ADAMTS16: variants seen among roughly 807,000 people sequenced by gnomAD.
ADAMTS16 encodes the protein A disintegrin and metalloproteinase with thrombospondin motifs 16.
Under a neutral mutation model 145.8 loss-of-function variants are expected in ADAMTS16, and 94 were observed. That is an observed-to-expected ratio of 0.64 (90% CI 0.55 to 0.77). The LOEUF (loss-of-function observed/expected upper bound fraction) is 0.77. Ranked by LOEUF, ADAMTS16 falls within the 30% of genes least tolerant of loss-of-function variation. The pLI is 0.00. For synonymous variants in ADAMTS16, 659 were observed against 604.3 expected (o/e 1.09, Z -1.33); for missense variants, 1,585 against 1,591.5 (o/e 1.00, Z 0.07).
At chr5:5,160,995 A>G (rs1163910333) in intron 3 of ADAMTS16, among the ~76,000 whole-genome samples, 3 of 152,216 alleles carry the variant, frequency 2.0e-5, no homozygotes, top group African/African-American at 7.2e-5. Context: ...ATTTAAATGT[A>G]AAAATATCTT....
chr5:5,215,845 A>ATATATATATATGTGGTGTGTATGTG (rs1427263188), intron 10 of ADAMTS16, among the ~76,000 whole-genome samples: 3 of 135,342 alleles, frequency 2.2e-5, no homozygotes, highest in Middle Eastern at 3.8e-3. Context: ...TGGTGTGTAT[A>ATATATATATATGTGGTGTGTATGTG]TATATATATA....
chr5:5,215,870 G>GTGTATATATATATA (rs1260354840), intron 10 of ADAMTS16, among the ~76,000 whole-genome samples: 7 of 101,620 alleles, frequency 6.9e-5, no homozygotes, highest in African/African-American at 1.0e-4. Context: ...GTGTGTATGT[G>GTGTATATATATATA]TATATATATA....
chr5:5,306,401 C>T (rs1265418766), intron 20 of ADAMTS16, 103 bp from the exon 21 acceptor site: 1 of 978,728 alleles, frequency 1.0e-6, no homozygotes, highest in Admixed American at 2.2e-5. Flanking sequence ...TGAATGTTCA[C>T]ACTTATATAA....
At chr5:5,182,870 T>C (rs547354058) in intron 4 of ADAMTS16, among the ~76,000 whole-genome samples, 1 of 152,288 alleles carries the variant, frequency 6.6e-6, no homozygotes, top group African/African-American at 2.4e-5. Context: ...TGAAGTTGGG[T>C]GCTTTCTGGA....
chr5:5,166,106 C>A (rs980472285), intron 3 of ADAMTS16, among the ~76,000 whole-genome samples: 1 of 152,148 alleles, frequency 6.6e-6, no homozygotes, highest in Admixed American at 6.5e-5. Flanking sequence ...TCTAAAATAT[C>A]TCTTTTTTTG....
intron 17 of ADAMTS16, among the ~76,000 whole-genome samples, chr5:5,244,208 G>A (rs72724169): frequency 0.019 from 2,878 of 152,232 alleles, 41 homozygotes; most frequent in Non-Finnish European, 0.03. Context: ...ACTTGCAAAT[G>A]GTATCCTGCA....
At chr5:5,223,289 G>A (rs1028940352) in intron 11 of ADAMTS16, 1 of 168,388 alleles carries the variant, frequency 5.9e-6, no homozygotes, top group Admixed American at 5.9e-5. Context: ...TGTGAGAAGA[G>A]AGAGAGCTAT....
chr5:5,313,412 G>A (rs575812941), intron 21 of ADAMTS16, among the ~76,000 whole-genome samples: 20 of 152,322 alleles, frequency 1.3e-4, no homozygotes, highest in African/African-American at 4.3e-4. Flanking sequence ...ACATTTCATG[G>A]TGCAGGGCAG....
intron 8 of ADAMTS16, among the ~76,000 whole-genome samples, chr5:5,193,170 C>CGT (rs1735712022): frequency 6.9e-6 from 1 of 144,714 alleles, no homozygotes; most frequent in African/African-American, 2.8e-5. Context: ...TGTGCGCGCG[C>CGT]GCACATATAC....
chr5:5,187,860 C>T (rs1735551262), intron 6 of ADAMTS16, 52 bp downstream of exon 6: 3 of 1,212,702 alleles, frequency 2.5e-6, no homozygotes, highest in Non-Finnish European at 2.4e-6. Flanking sequence ...AAAATAAATG[C>T]AAAATAATGC....
intron 3 of ADAMTS16, among the ~76,000 whole-genome samples, chr5:5,156,888 T>G (rs760579563): frequency 3.9e-5 from 6 of 152,186 alleles, no homozygotes; most frequent in Admixed American, 3.3e-4. Flanking sequence ...TTCGTGATTG[T>G]GGACAACAGC....
chr5:5,262,815 TC>T (rs1738079646), intron 18 of ADAMTS16, 32 bp downstream of exon 18: 1 of 1,610,122 alleles, frequency 6.2e-7, no homozygotes, highest in African/African-American at 1.3e-5. Context: ...AAAGCAGGTT[TC>T]CCAGTTTGCA....
chr5:5,220,165 T>TC lies in ADAMTS16; in HGVS notation c.1606-2624_1606-2623insC, dbSNP rs1736552764. On this transcript the variant is annotated intron_variant, in intron 10 of 22. Coordinates refer to ENST00000274181, the MANE Select transcript of ADAMTS16 (RefSeq NM_139056.4). ...TAGTAAAATAATTTAACTTTTTTTT[T>TC]TTTTTTTTTTTTGAGATGGAGTCTC... 3.6e-5 allele frequency among the ~76,000 whole-genome samples: 5 copies of TC among 138,302 alleles called. No homozygotes were observed. The South Asian group carries it at 1.2e-3, about 33-fold the overall frequency. 90.7% of individuals were successfully genotyped at this position (138,302 alleles called of 152,430 possible).
In ADAMTS16 at chr5:5,248,085, C is replaced by T. The variant is rs556474226; in HGVS notation, c.2662+5894C>T. 3.3e-5 allele frequency among the ~76,000 whole-genome samples: 5 copies of T among 152,350 alleles called. No homozygotes were observed. The East Asian group carries it at 5.8e-4, about 18-fold the overall frequency. On this transcript the variant is annotated intron_variant, in intron 17 of 22. Transcript: ENST00000274181. ...AAACAATGCATGCTTCTTTTGAGAG[C>T]TCATGCGTTCATTTATGGAACACCG...
chr5:5,251,083 A>G (rs1737610684), intron 17 of ADAMTS16, among the ~76,000 whole-genome samples: 1 of 152,184 alleles, frequency 6.6e-6, no homozygotes, highest in Non-Finnish European at 1.5e-5. Context: ...ACCTTCATGA[A>G]GGCTCAAATT....
rs138342821 is a variant in ADAMTS16, at chr5:5,209,361, T to C, written c.1605+115T>C. On this transcript the variant is annotated intron_variant, in intron 10 of 22. Transcript: ENST00000274181. ...TGGGTACCTACCAAATGTCAAATCC[T>C]GTATGTTAAGGCTGGTCCTGTATAA... The C allele has an allele frequency of 1.9e-5, 25 of 1,295,810 alleles. No individual in the cohort carries two copies. The African/African-American group carries it at 3.1e-4, about 16-fold the overall frequency. The allele number at this position is 1,295,810 out of a possible 1,614,324, so 80.3% of individuals were successfully genotyped here. A position where few individuals can be genotyped will look rare whatever the true frequency, so the allele number is the denominator to read the frequency against.
At chr5:5,216,186 C>T (rs1252929855) in intron 10 of ADAMTS16, among the ~76,000 whole-genome samples, 4 of 152,032 alleles carry the variant, frequency 2.6e-5, no homozygotes. Flanking sequence ...CTGTTTACCA[C>T]ATCCACACAC....
Position 5,319,539 on chromosome 5 carries a change from A to T in ADAMTS16, c.*401A>T. The T allele has an allele frequency of 3.5e-6, 1 of 289,352 alleles. No individual in the cohort carries two copies. The highest frequency in any genetic ancestry group is 6.7e-6 in the Non-Finnish European group (1 of 149,690). 17.9% of individuals were successfully genotyped at this position (289,352 alleles called of 1,614,324 possible). A position where few individuals can be genotyped will look rare whatever the true frequency, so the allele number is the denominator to read the frequency against. On this transcript the variant is annotated 3_prime_UTR_variant, in exon 23 of 23. Coordinates refer to ENST00000274181, the MANE Select transcript of ADAMTS16 (RefSeq NM_139056.4). ...GGAAAGGCCATGAAATAAGGAAAAC[A>T]TACAAAATATGTACCCCCTAGTTCA...
chr5:5,295,043 T>C (rs1739477238), intron 18 of ADAMTS16, among the ~76,000 whole-genome samples: 1 of 152,246 alleles, frequency 6.6e-6, no homozygotes, highest in African/African-American at 2.4e-5. Flanking sequence ...AACATTTATT[T>C]TCACTTAAAA....
Sources: allele counts gnomAD v4.1 joint callset (sites outside exome capture counted in the v4.1 genomes callset), GRCh38; gene constraint gnomAD v4.1.1; transcripts MANE v1.5; gene names NCBI Gene and HGNC (gene_info 2026-07-23, HGNC 2026-07-21).